The following DNAL1 variants were observed in gnomAD, a reference collection of about 807,000 sequenced individuals.
The protein encoded by DNAL1 is chromosome 14 open reading frame 168.
Under a neutral mutation model 29.4 loss-of-function variants are expected in DNAL1, and 17 were observed. That is an observed-to-expected ratio of 0.58 (90% CI 0.40 to 0.87). The LOEUF is 0.87. Among genes scored for constraint, DNAL1 ranks in the 40% least tolerant of loss-of-function variants. The pLI is 0.00. For missense variants in DNAL1, 188 were observed against 214.1 expected (o/e 0.88, Z 0.76); for synonymous variants, 78 against 76.3 (o/e 1.02, Z -0.12).
rs186927207 is a variant in DNAL1, at chr14:73,687,342, A to G, written c.348A>G (p.Lys116=). ...TGAAAGGGATCCACATAATGAAGAA[A>G]TTGAAGATTCTCTACATGTCTAATA... is the stretch of plus-strand genomic sequence containing the variant. ...EKLKGIHIMK[K]LKILYMSNNL... Residue 116 remains lysine (K), a synonymous_variant, in exon 6 of 8, where the codon AAA becomes AAG. Transcript: ENST00000553645. 6 of 1,612,108 alleles carry G rather than the reference A, an allele frequency of 3.7e-6. No individual in the cohort carries two copies. The Admixed American group carries it at 1.0e-4, about 27-fold the overall frequency.
intron 2 of DNAL1, among the ~76,000 whole-genome samples, chr14:73,657,260 A>C (rs984292665): frequency 6.6e-6 from 1 of 151,792 alleles, no homozygotes; most frequent in African/African-American, 2.4e-5. Flanking sequence ...CTCCAGGCTG[A>C]AGTGCAGTGA....
chr14:73,653,844 G>A lies in DNAL1; in HGVS notation c.4-1003G>A, dbSNP rs554205160. Among the ~76,000 whole-genome samples, 4 of 152,184 alleles carry A rather than the reference G, an allele frequency of 2.6e-5. No individual in the cohort carries two copies. In the South Asian group the frequency reaches 6.2e-4, roughly 24 times the overall value. On this transcript the variant is annotated intron_variant, in intron 1 of 7. Coordinates refer to ENST00000553645, the MANE Select transcript of DNAL1 (RefSeq NM_031427.4). ...ATATCTTCCGTTGGGTACCTTTAGA[G>A]TTTTAAATATATTAAATTGAATCTA...
At chr14:73,690,416 G>A (rs1292646019) in intron 7 of DNAL1, among the ~76,000 whole-genome samples, 3 of 151,956 alleles carry the variant, frequency 2.0e-5, no homozygotes, top group Admixed American at 6.6e-5. Flanking sequence ...ACTTGGGGAG[G>A]CCAAGGCGGG....
At chr14:73,651,226 C>T (rs1891107935) in intron 1 of DNAL1, 1 of 152,206 alleles carries the variant, frequency 6.6e-6, no homozygotes, top group African/African-American at 2.4e-5. Context: ...AAGTGATCCT[C>T]CAGCCTTGGC....
chr14:73,702,150 G>GT lies in DNAL1; in HGVS notation c.*6216dup, dbSNP rs779734012. On this transcript the variant is annotated 3_prime_UTR_variant, in exon 8 of 8. Transcript: ENST00000553645. ...GAAAGAGAGAGGTGTTTTTTGTTTT[G>GT]TTTTTTTTGAGACGGAGTCTCACTC... 177 of 150,892 alleles carry GT rather than the reference G, an allele frequency of 1.2e-3. 1 individual carries two copies. Among genetic ancestry groups the GT allele is most frequent in the Middle Eastern group, 3.4e-3 (1 of 294 alleles). The allele number at this position is 150,892 out of a possible 1,614,324, so 9.3% of individuals were successfully genotyped here.
rs753404083 is a variant in DNAL1, at chr14:73,654,828, C to CTT, written c.4-6_4-5dup. On this transcript the variant is annotated intron_variant, in intron 1 of 7. Coordinates refer to ENST00000553645, the MANE Select transcript of DNAL1 (RefSeq NM_031427.4). Reference sequence around the variant, plus strand: ...TACAACTTTGTTTTTTCTTTTCTTTCTTTTTTTTTTTTTTAAAGGCGAAAG... The same window carrying CTT: ...TACAACTTTGTTTTTTCTTTTCTTTCTTTTTTTTTTTTTTTTAAAGGCGAAAG... The CTT allele has an allele frequency of 1.5e-4, 206 of 1,337,106 alleles. No homozygotes were observed. Among genetic ancestry groups the CTT allele is most frequent in the South Asian group, 5.2e-4 (36 of 69,398 alleles). 82.8% of individuals were successfully genotyped at this position (1,337,106 alleles called of 1,614,324 possible).
At chr14:73,657,010 C>T (rs1232731027) in intron 2 of DNAL1, among the ~76,000 whole-genome samples, 1 of 152,020 alleles carries the variant, frequency 6.6e-6, no homozygotes, top group Non-Finnish European at 1.5e-5. Flanking sequence ...TCTCAAACTC[C>T]TGAGCTCAAG....
At chr14:73,678,511 C>CTTT (rs11379191) in intron 5 of DNAL1, among the ~76,000 whole-genome samples, 23 of 118,116 alleles carry the variant, frequency 1.9e-4, no homozygotes, top group South Asian at 8.4e-4. Context: ...AGCAGGTATT[C>CTTT]TTTTTTTTTT....
chr14:73,677,884 T>TGTGTGTGTGTGTGTGTGTGTGTG, intron 5 of DNAL1, among the ~76,000 whole-genome samples: 2 of 96,132 alleles, frequency 2.1e-5, no homozygotes, highest in African/African-American at 7.5e-5. Flanking sequence ...ATATATATAT[T>TGTGTGTGTGTGTGTGTGTGTGTG]TGTGTGTGTG....
At chr14:73,687,417 T>C (rs1355001649) in intron 6 of DNAL1, 32 bp downstream of exon 6, 8 of 1,514,838 alleles carry the variant, frequency 5.3e-6, no homozygotes, top group Non-Finnish European at 7.1e-6. Flanking sequence ...GCTAACCTTC[T>C]ACCGCCTGTT....
chr14:73,647,314 G>T (rs1050703423), intron 1 of DNAL1, among the ~76,000 whole-genome samples: 1 of 145,740 alleles, frequency 6.9e-6, no homozygotes, highest in Non-Finnish European at 1.5e-5. Context: ...GCAGTGAGCT[G>T]AGATTGAGCC....
rs1595235223 is a variant in DNAL1, at chr14:73,702,088, T to G, written c.*6146T>G. ...CCATGCAGTTTGTGTGGTGTGTGTG[T>G]GTGTGTGTGTGTGTGTGCACGTGCA... On this transcript the variant is annotated 3_prime_UTR_variant, in exon 8 of 8. Coordinates refer to ENST00000553645, the MANE Select transcript of DNAL1 (RefSeq NM_031427.4). 1.3e-5 allele frequency: 2 copies of G among 150,696 alleles called. No individual in the cohort carries two copies. Among genetic ancestry groups the G allele is most frequent in the African/African-American group, 4.9e-5 (2 of 40,708 alleles). 9.3% of individuals were successfully genotyped at this position (150,696 alleles called of 1,614,324 possible).
rs2140058439 is a variant in DNAL1 at position 73,687,402 on chromosome 14, C to T, written c.391+17C>T. 6.4e-7 allele frequency: 1 copy of T among 1,552,096 alleles called. No individual in the cohort carries two copies. Among genetic ancestry groups the T allele is most frequent in the Middle Eastern group, 1.7e-4 (1 of 5,788 alleles). ...AAGACTGGGGTAAGCTGAGAGTGGC[C>T]CTTTGCTAACCTTCTACCGCCTGTT... is the stretch of plus-strand genomic sequence containing the variant. On this transcript the variant is annotated intron_variant, in intron 6 of 7. Coordinates refer to ENST00000553645, the MANE Select transcript of DNAL1 (RefSeq NM_031427.4).
At chr14:73,692,100 T>G (rs1892190082) in intron 7 of DNAL1, among the ~76,000 whole-genome samples, 1 of 149,616 alleles carries the variant, frequency 6.7e-6, no homozygotes, top group African/African-American at 2.5e-5. Flanking sequence ...CAAGTTCAAG[T>G]GGTTCTCCTG....
intron 2 of DNAL1, among the ~76,000 whole-genome samples, chr14:73,656,874 G>T (rs1363378962): frequency 6.6e-6 from 1 of 152,000 alleles, no homozygotes; most frequent in Non-Finnish European, 1.5e-5. Flanking sequence ...GAGTGGATAT[G>T]TATTAGATCT....
In DNAL1 at chr14:73,687,329, A is replaced by G; in HGVS notation, c.335A>G (p.His112Arg). Residue 112 changes from histidine (H) to arginine (R), a missense_variant, in exon 6 of 8, where the codon CAC becomes CGC. Coordinates refer to ENST00000553645, the MANE Select transcript of DNAL1 (RefSeq NM_031427.4). ...TTTATTGAGAAGTTGAAAGGGATCC[A>G]CATAATGAAGAAATTGAAGATTCTC... The part of the protein sequence containing the change: ...YNFIEKLKGI[H>R]IMKKLKILYM... 1 of 1,612,914 alleles carries G rather than the reference A, an allele frequency of 6.2e-7. No homozygotes were observed. The highest frequency in any genetic ancestry group is 2.2e-5 in the East Asian group (1 of 44,842).
intron 5 of DNAL1, among the ~76,000 whole-genome samples, chr14:73,674,370 G>A (rs967063321): frequency 6.6e-6 from 1 of 151,966 alleles, no homozygotes; most frequent in Non-Finnish European, 1.5e-5. Flanking sequence ...CCTCAAAGGT[G>A]ACCCAATCAC....
chr14:73,652,872 T>C (rs756075754), intron 1 of DNAL1, among the ~76,000 whole-genome samples: 2 of 152,218 alleles, frequency 1.3e-5, no homozygotes, highest in Non-Finnish European at 2.9e-5. Context: ...CTTTCATTAT[T>C]TTATAATTTT....
chr14:73,658,979 C>T (rs759537801), intron 3 of DNAL1, 23 bp downstream of exon 3: 4 of 1,399,216 alleles, frequency 2.9e-6, no homozygotes, highest in Non-Finnish European at 3.8e-6. Context: ...TTCATCCTTC[C>T]AGTATTGCTG....
Sources: gnomAD v4.1 joint callset for allele counts (sites outside exome capture counted in the v4.1 genomes callset) on GRCh38, gnomAD v4.1.1 for gene constraint, MANE v1.5 for transcripts, NCBI Gene and HGNC (gene_info 2026-07-23, HGNC 2026-07-21) for gene names.